Variants in SPATA7 observed in about 807,000 individuals in gnomAD.
The protein encoded by SPATA7 is spermatogenesis-associated protein 7.
Under a neutral mutation model 51.8 loss-of-function variants are expected in SPATA7, and 43 were observed. The observed-to-expected ratio is 0.83, with a 90% CI of 0.65 to 1.07. The LOEUF is 1.07. SPATA7 is among the 50% of genes least tolerant of loss of function. The pLI is 0.00. For synonymous variants in SPATA7, 230 were observed against 252.8 expected, an observed-to-expected ratio of 0.91 and a Z score of 0.86; for missense variants, 683 against 701.3, an observed-to-expected ratio of 0.97 and a Z score of 0.30.
chr14:88,402,686 C>T (rs2076094432), intron 4 of SPATA7, among the ~76,000 whole-genome samples: 1 of 151,940 alleles, frequency 6.6e-6, no homozygotes, highest in Non-Finnish European at 1.5e-5. Context: ...AATATAAGGT[C>T]CTAATCCATA....
At chr14:88,414,709 T>A (rs1173817283) in intron 4 of SPATA7, 1 of 380,040 alleles carries the variant, frequency 2.6e-6, no homozygotes, top group Non-Finnish European at 5.1e-6. Context: ...TTAACACTGC[T>A]TTTGCTGCAT....
chr14:88,392,290 C>A (rs1374394268), intron 2 of SPATA7, among the ~76,000 whole-genome samples: 3 of 152,016 alleles, frequency 2.0e-5, no homozygotes, highest in Admixed American at 6.6e-5. Context: ...TGCTAACTTT[C>A]TTTTAAAGAA....
chr14:88,462,768 G>A (rs1168949522), intron 4 of SPATA7, among the ~76,000 whole-genome samples: 1 of 152,086 alleles, frequency 6.6e-6, no homozygotes, highest in East Asian at 1.9e-4. Flanking sequence ...AAGGAATAAT[G>A]ATCAAAACAT....
chr14:88,402,959 C>CTAAAAAAAAA (rs776079628), intron 4 of SPATA7, among the ~76,000 whole-genome samples: 1 of 62,018 alleles, frequency 1.6e-5, no homozygotes, highest in Non-Finnish European at 3.1e-5. Context: ...AACTCAATAG[C>CTAAAAAAAAA]AAAAAAAAAA....
Position 88,394,777 on chromosome 14 carries a change from A to G in SPATA7, c.190+1289A>G, listed in dbSNP as rs1335934048. 2.6e-5 allele frequency among the ~76,000 whole-genome samples: 4 copies of G among 152,150 alleles called. No individual in the cohort carries two copies. In the East Asian group the frequency reaches 7.7e-4, roughly 29 times the overall value. On this transcript the variant is annotated intron_variant, in intron 3 of 11. Coordinates refer to ENST00000393545, the MANE Select transcript of SPATA7 (RefSeq NM_018418.5). ...CCATTTACATTTCCATTACTTCTGC[A>G]CCCTTACCAACCCTTGGCGTTGACA...
rs528206428 is a variant in SPATA7, at chr14:88,469,135, A to T, written c.255-712A>T. 6.5e-7 allele frequency: 1 copy of T among 1,528,732 alleles called. No individual in the cohort carries two copies. Among genetic ancestry groups the T allele is most frequent in the African/African-American group, 1.4e-5 (1 of 72,812 alleles). The allele number at this position is 1,528,732 out of a possible 1,614,324, so 94.7% of individuals were successfully genotyped here. A position where few individuals can be genotyped will look rare whatever the true frequency, so the allele number is the denominator to read the frequency against. ...AGGATCAAGGCGTATCACATTGTTG[A>T]CTCAATCTTCATATTCTCTCCACTG... is the stretch of plus-strand genomic sequence containing the variant. On this transcript the variant is annotated intron_variant, in intron 4 of 4. Coordinates refer to the SPATA7 transcript ENST00000556406. The surrounding 1 kb of genome is among the most constrained non-coding windows in gnomAD (Gnocchi z 4.3).
At chr14:88,419,465 CT>C (rs1452178004) in intron 5 of SPATA7, among the ~76,000 whole-genome samples, 2 of 141,796 alleles carry the variant, frequency 1.4e-5, no homozygotes, top group African/African-American at 5.2e-5. Context: ...TTTAATGTCA[CT>C]TGCCAATCTC....
chr14:88,439,889 C>T (rs1425196641), downstream of SPATA7, among the ~76,000 whole-genome samples: 1 of 152,144 alleles, frequency 6.6e-6, no homozygotes, highest in Non-Finnish European at 1.5e-5. Flanking sequence ...GGCACACCTT[C>T]CCCTCAGCCC....
intron 4 of SPATA7, chr14:88,416,315 A>G (rs1446738990): frequency 5.9e-6 from 1 of 168,290 alleles, no homozygotes; most frequent in Admixed American, 6.1e-5. Flanking sequence ...AACATGGTTA[A>G]GCATTTGTAA....
At chr14:88,470,078 G>T in exon 5 of SPATA7, 1 of 1,605,316 alleles carries the variant, frequency 6.2e-7, no homozygotes, top group Non-Finnish European at 8.5e-7. Flanking sequence ...TAAAAAAATT[G>T]ATGTGTGGGT....
chr14:88,462,288 C>A (rs1029032524), intron 4 of SPATA7, among the ~76,000 whole-genome samples: 1 of 152,122 alleles, frequency 6.6e-6, no homozygotes, highest in Non-Finnish European at 1.5e-5. Flanking sequence ...TTCATTTGTT[C>A]AGTTTTTCTC....
At chr14:88,455,807 G>A (rs188549671), downstream of SPATA7, among the ~76,000 whole-genome samples, 85 of 151,928 alleles carry the variant, frequency 5.6e-4, no homozygotes, top group Admixed American at 3.8e-3. Context: ...TACACGTGCC[G>A]TGTTGGTGTG....
chr14:88,457,664 A>G (rs927351483), downstream of SPATA7, among the ~76,000 whole-genome samples: 1 of 152,210 alleles, frequency 6.6e-6, no homozygotes, highest in African/African-American at 2.4e-5. Flanking sequence ...CAATCATGTC[A>G]TCTGCACACA....
At chr14:88,433,329 T>C in intron 10 of SPATA7, 117 bp downstream of exon 10, 1 of 718,184 alleles carries the variant, frequency 1.4e-6, no homozygotes, top group Non-Finnish European at 2.3e-6. Flanking sequence ...TGAAAAAATA[T>C]ATTGCTTTCT....
At chr14:88,459,858 GTTCCT>G (rs1486422052), downstream of SPATA7, among the ~76,000 whole-genome samples, 2 of 151,728 alleles carry the variant, frequency 1.3e-5, no homozygotes, top group Non-Finnish European at 2.9e-5. Context: ...GGTACCAGTC[GTTCCT>G]TTCCATGTTT....
chr14:88,388,867 A>G (rs971079522), intron 1 of SPATA7, among the ~76,000 whole-genome samples: 2 of 152,232 alleles, frequency 1.3e-5, no homozygotes, highest in Admixed American at 6.5e-5. Context: ...TCATTAGAGA[A>G]GGCGTGATTG....
At position 88,421,862 on chromosome 14, in the gene SPATA7, T is replaced by G. The variant is rs543489453; in HGVS notation, c.373-4370T>G. ...TACTCAGGAGGCTGAGGCAGAAGAA[T>G]CGCTTGAGTCCAGGAGGCGGGGTTG... On this transcript the variant is annotated intron_variant, in intron 5 of 11. Coordinates refer to ENST00000393545, the MANE Select transcript of SPATA7 (RefSeq NM_018418.5). Among the ~76,000 whole-genome samples the G allele has an allele frequency of 4.0e-5, 6 of 151,064 alleles. No individual in the cohort carries two copies. In the South Asian group the frequency reaches 1.3e-3, roughly 32 times the overall value.
chr14:88,431,251 T>C (rs1323058348), intron 9 of SPATA7, 26 bp downstream of exon 9: 1 of 1,593,724 alleles, frequency 6.3e-7, no homozygotes, highest in Non-Finnish European at 8.6e-7. Context: ...AGTCTTCGTT[T>C]TGCATAGTGG....
chr14:88,402,948 C>A (rs2076101889), intron 4 of SPATA7, among the ~76,000 whole-genome samples: 1 of 45,872 alleles, frequency 2.2e-5, no homozygotes, highest in Non-Finnish European at 4.6e-5. Flanking sequence ...GTAATAAGTA[C>A]AACTCAATAG....
Sources: gnomAD v4.1 joint callset for allele counts (sites outside exome capture counted in the v4.1 genomes callset) on GRCh38, gnomAD v4.1.1 for gene constraint, Gnocchi (gnomAD v3.1) non-coding constraint, MANE v1.5 for transcripts, NCBI Gene and HGNC (gene_info 2026-07-23, HGNC 2026-07-21) for gene names.